The following PALM2AKAP2 variants were observed in gnomAD, a reference collection of about 807,000 sequenced individuals.
The protein encoded by PALM2AKAP2 is PALM2-AKAP2 fusion protein.
In PALM2AKAP2, 37 loss-of-function variants were observed where a neutral mutation model predicts 71.5. The observed-to-expected ratio is 0.52, with a 90% CI of 0.40 to 0.68. The LOEUF is 0.68. Ranked by LOEUF, PALM2AKAP2 falls within the 30% of genes least tolerant of loss-of-function variation. The pLI is 0.00. For synonymous variants in PALM2AKAP2, 468 were observed against 478.8 expected (o/e 0.98, Z 0.29); for missense variants, 1,224 against 1,191.8 (o/e 1.03, Z -0.40).
chr9:109,719,795 C>G (rs1828379145), intron 1 of PALM2AKAP2, among the ~76,000 whole-genome samples: 1 of 152,100 alleles, frequency 6.6e-6, no homozygotes, highest in Non-Finnish European at 1.5e-5. Context: ...CTTAGATTCC[C>G]TAAGCTCTTC....
At chr9:109,725,514 G>A (rs559159202) in intron 1 of PALM2AKAP2, among the ~76,000 whole-genome samples, 32 of 152,256 alleles carry the variant, frequency 2.1e-4, no homozygotes, top group African/African-American at 7.5e-4. Context: ...TTAACCTAAA[G>A]GAATAACTCA....
At chr9:109,653,217 A>C (rs1827250540) in intron 1 of PALM2AKAP2, among the ~76,000 whole-genome samples, 2 of 152,212 alleles carry the variant, frequency 1.3e-5, no homozygotes, top group African/African-American at 4.8e-5. Flanking sequence ...GATGGTGCAA[A>C]GTGGGATCAC....
At chr9:110,152,310 A>C (rs567129159) in intron 2 of PALM2AKAP2, among the ~76,000 whole-genome samples, 1 of 152,348 alleles carries the variant, frequency 6.6e-6, no homozygotes, top group East Asian at 1.9e-4. Context: ...GTTCTCATTG[A>C]AAATGGGGCA....
intron 1 of PALM2AKAP2, among the ~76,000 whole-genome samples, chr9:109,761,503 G>T (rs1043662460): frequency 3.9e-5 from 6 of 152,060 alleles, no homozygotes; most frequent in Admixed American, 1.3e-4. Flanking sequence ...TTAGGTATTT[G>T]TCCTAATACT....
chr9:109,824,711 C>T (rs529297382), intron 1 of PALM2AKAP2, among the ~76,000 whole-genome samples: 1 of 152,248 alleles, frequency 6.6e-6, no homozygotes, highest in South Asian at 2.1e-4. Flanking sequence ...CAAAAACAGG[C>T]AGATGTATGT....
chr9:109,648,272 A>T (rs1050834797), intron 1 of PALM2AKAP2, among the ~76,000 whole-genome samples: 9 of 152,206 alleles, frequency 5.9e-5, no homozygotes, highest in African/African-American at 2.2e-4. Context: ...GTATCTTTAT[A>T]ATAGTGTGAA....
chr9:109,760,770 C>T (rs1829038614), intron 1 of PALM2AKAP2: 2 of 152,150 alleles, frequency 1.3e-5, no homozygotes, highest in African/African-American at 4.8e-5. Flanking sequence ...ACTCACGAAA[C>T]AAGTATCTGT....
rs376563476 is a variant in PALM2AKAP2 at position 109,832,568 on chromosome 9, T to C, written c.46-34923T>C. On this transcript the variant is annotated intron_variant, in intron 1 of 9. Coordinates refer to the PALM2AKAP2 transcript ENST00000302798. ...TGGTTGCTGCTTTCAGAAGAAACAG[T>C]GTTTGAAAGCTAAGAAAAATGTACC... Among the ~76,000 whole-genome samples, 3 of 151,978 alleles carry C rather than the reference T, an allele frequency of 2.0e-5. No homozygotes were observed. In the East Asian group the frequency reaches 5.8e-4, roughly 29 times the overall value.
exon 4 of PALM2AKAP2, chr9:110,171,167 C>T (rs1836851028): frequency 6.6e-6 from 1 of 152,168 alleles, no homozygotes; most frequent in African/African-American, 2.4e-5. Context: ...GAATGTACAG[C>T]TAAGAGAAAA....
In PALM2AKAP2 at chr9:109,996,598, AG is replaced by A. The variant is rs1486421156; in HGVS notation, c.497-19354del. Among the ~76,000 whole-genome samples the A allele has an allele frequency of 3.9e-5, 6 of 152,346 alleles. No homozygotes were observed. The East Asian group carries it at 1.2e-3, about 29-fold the overall frequency. On this transcript the variant is annotated intron_variant, in intron 6 of 9. Coordinates refer to the PALM2AKAP2 transcript ENST00000302798. ...GTCTGCTTCCTTCTTCATATACAGA[AG>A]GATGTTTAAAACGCACCTTTGAGGG...
chr9:109,660,575 T>C (rs1827378099), intron 1 of PALM2AKAP2, among the ~76,000 whole-genome samples: 1 of 152,170 alleles, frequency 6.6e-6, no homozygotes, highest in African/African-American at 2.4e-5. Flanking sequence ...ATGTGCCACA[T>C]TTTCTTAATC....
At chr9:110,016,889 T>C (rs954446420) in intron 7 of PALM2AKAP2, among the ~76,000 whole-genome samples, 3 of 151,658 alleles carry the variant, frequency 2.0e-5, no homozygotes, top group African/African-American at 7.3e-5. Context: ...GAGATATTTC[T>C]TTTTTTTTGA....
intron 1 of PALM2AKAP2, among the ~76,000 whole-genome samples, chr9:109,655,188 C>T (rs942585472): frequency 1.3e-5 from 2 of 150,720 alleles, no homozygotes; most frequent in Non-Finnish European, 2.9e-5. Context: ...CCCAGCTACT[C>T]GGGAGGCTGA....
At chr9:109,893,979 A>T (rs1283663932) in intron 3 of PALM2AKAP2, among the ~76,000 whole-genome samples, 2 of 151,876 alleles carry the variant, frequency 1.3e-5, no homozygotes, top group Admixed American at 1.3e-4. Flanking sequence ...TTAAAATAAA[A>T]GTTGAAGGAA....
At chr9:109,694,203 G>A (rs2118558125) in intron 1 of PALM2AKAP2, among the ~76,000 whole-genome samples, 1 of 152,116 alleles carries the variant, frequency 6.6e-6, no homozygotes, top group East Asian at 1.9e-4. Flanking sequence ...TTATGTACAG[G>A]CTAGACCATA....
chr9:110,104,803 A>G (rs186883185), intron 1 of PALM2AKAP2, among the ~76,000 whole-genome samples: 3 of 152,364 alleles, frequency 2.0e-5, no homozygotes, highest in Non-Finnish European at 4.4e-5. Context: ...GTGAAACGTA[A>G]TGATGATAGC....
At chr9:109,839,596 G>A (rs1194768053) in intron 1 of PALM2AKAP2, among the ~76,000 whole-genome samples, 1 of 152,204 alleles carries the variant, frequency 6.6e-6, no homozygotes, top group Non-Finnish European at 1.5e-5. Context: ...AAGTCAAATT[G>A]TCCCTGTTTG....
At chr9:109,818,025 T>C (rs750342256) in intron 1 of PALM2AKAP2, among the ~76,000 whole-genome samples, 29 of 152,230 alleles carry the variant, frequency 1.9e-4, no homozygotes, top group Non-Finnish European at 4.0e-4. Context: ...TTAAGCGCAG[T>C]CTTCCCAGCT....
chr9:109,816,343 G>C lies in PALM2AKAP2; in HGVS notation c.45+35810G>C, dbSNP rs773789490. Among the ~76,000 whole-genome samples, 3 of 152,278 alleles carry C rather than the reference G, an allele frequency of 2.0e-5. No homozygotes were observed. In the South Asian group the frequency reaches 6.2e-4, roughly 32 times the overall value. ...GAATGGATTGTTCACATGATCTTAG[G>C]CGAAAAGACATAAAAATGAAGACAG... On this transcript the variant is annotated intron_variant, in intron 1 of 9. Coordinates refer to the PALM2AKAP2 transcript ENST00000302798.
Sources: gnomAD v4.1 joint callset for allele counts (sites outside exome capture counted in the v4.1 genomes callset) on GRCh38, gnomAD v4.1.1 for gene constraint, MANE v1.5 for transcripts, NCBI Gene and HGNC (gene_info 2026-07-23, HGNC 2026-07-21) for gene names.